Variants in CACNA1E observed in about 807,000 individuals in gnomAD.
CACNA1E encodes voltage-dependent R-type calcium channel subunit alpha-1E.
CACNA1E carries 40 observed loss-of-function variants against 259.2 expected under a neutral mutation model. The ratio of observed to expected loss-of-function variants is 0.15; its 90% CI spans 0.12 to 0.20. The LOEUF is 0.20. CACNA1E is among the 10% of genes least tolerant of loss of function. The probability of loss-of-function intolerance (pLI) is 1.00; values close to 1 mark genes in which losing one functional copy is unlikely to be tolerated. For missense variants in CACNA1E, 1,874 were observed against 3,040.1 expected (o/e 0.62, Z 9.02); for synonymous variants, 1,104 against 1,138.5 (o/e 0.97, Z 0.61).
chr1:181,506,223 C>G (rs991680879), intron 1 of CACNA1E, among the ~76,000 whole-genome samples: 1 of 152,178 alleles, frequency 6.6e-6, no homozygotes, highest in Admixed American at 6.5e-5. Context: ...ATGTCTTTGT[C>G]CAGTCTGCCA....
chr1:181,794,904 C>G lies in CACNA1E; in HGVS notation c.6068C>G (p.Thr2023Ser). 1.2e-6 allele frequency: 2 copies of G among 1,613,848 alleles called. No individual in the cohort carries two copies. Among genetic ancestry groups the G allele is most frequent in the Admixed American group, 1.7e-5 (1 of 60,014 alleles). The change falls in exon 46 of 48, where the codon ACT (threonine) becomes AGT (serine). Residue 2023 changes from threonine to serine, a missense_variant. Coordinates refer to ENST00000367573, the MANE Select transcript of CACNA1E (RefSeq NM_001205293.3). ...AGCTCCATGAGACGTTCATTTTCCACTATTCGGGATAAGCGTTCAAATTCC... is the reference window on the plus strand; with the variant it reads ...AGCTCCATGAGACGTTCATTTTCCAGTATTCGGGATAAGCGTTCAAATTCC... ...DPSSMRRSFS[T>S]IRDKRSNSSW...
chr1:181,590,414 A>ATATATATATATATATATATAT (rs1206091612), intron 6 of CACNA1E, among the ~76,000 whole-genome samples: 71 of 125,632 alleles, frequency 5.7e-4, no homozygotes, highest in African/African-American at 2.1e-3. Context: ...AAAAAAAAAA[A>ATATATATATATATATATATAT]AAATATATAT....
At position 181,732,771 on chromosome 1, in the gene CACNA1E, T is replaced by C. The variant is rs564949336; in HGVS notation, c.2685T>C (p.Thr895=). ...CCTGTCATGGAAACTGTGACCCGAC[T>C]CAGCAGGAGGCAGGGGGAGGAGAGG... The part of the protein sequence containing the change: ...ARPCHGNCDP[T]QQEAGGGEAV... The change falls in exon 20 of 48, where the codon ACT becomes ACC. Residue 895 remains threonine (T), a synonymous_variant. Transcript: ENST00000367573. This position sits in a 1 kb window ranked among gnomAD's most constrained non-coding sequence, Gnocchi z 5.5. 6 of 1,581,262 alleles carry C rather than the reference T, an allele frequency of 3.8e-6. No homozygotes were observed. In the Middle Eastern group the frequency reaches 5.1e-4, roughly 135 times the overall value.
intron 24 of CACNA1E, among the ~76,000 whole-genome samples, chr1:181,738,843 A>C (rs1371201851): frequency 6.6e-6 from 1 of 152,116 alleles, no homozygotes; most frequent in Non-Finnish European, 1.5e-5. Flanking sequence ...TCCATCCAGG[A>C]TTTTACCCAT....
chr1:181,706,408 C>G (rs1474039541), intron 7 of CACNA1E, among the ~76,000 whole-genome samples: 1 of 152,094 alleles, frequency 6.6e-6, no homozygotes, highest in Non-Finnish European at 1.5e-5. Flanking sequence ...TACCCATGAG[C>G]CTGATGGGCA....
At chr1:181,623,349 A>G (rs1655895747) in intron 6 of CACNA1E, among the ~76,000 whole-genome samples, 3 of 152,208 alleles carry the variant, frequency 2.0e-5, no homozygotes. Flanking sequence ...CACACTTTAT[A>G]TAATTTTTGT....
intron 7 of CACNA1E, among the ~76,000 whole-genome samples, chr1:181,667,673 T>A (rs900593333): frequency 6.6e-6 from 1 of 151,812 alleles, no homozygotes; most frequent in African/African-American, 2.4e-5. Flanking sequence ...AAGAGAATAT[T>A]AAGATTTTCA....
intron 3 of CACNA1E, among the ~76,000 whole-genome samples, chr1:181,552,437 A>G (rs761605753): frequency 6.6e-6 from 1 of 151,272 alleles, no homozygotes; most frequent in African/African-American, 2.5e-5. Flanking sequence ...AATAGTATTC[A>G]TAGCTTTTTT....
At position 181,759,495 on chromosome 1, in the gene CACNA1E, A is replaced by G. The variant is rs74127852; in HGVS notation, c.4605+627A>G. 5.1e-3 allele frequency among the ~76,000 whole-genome samples: 779 copies of G among 151,882 alleles called. 8 individuals are homozygous for G. The highest frequency in any genetic ancestry group is 0.018 in the African/African-American group (726 of 41,400). On this transcript the variant is annotated intron_variant, in intron 32 of 47. Coordinates refer to ENST00000367573, the MANE Select transcript of CACNA1E (RefSeq NM_001205293.3). ...TTTGGGGATGATGAATTTTTCTGCC[A>G]TGAGCCCTCTTTTTTCTTCTCCTCA...
At chr1:181,607,928 T>A (rs1479156168) in intron 6 of CACNA1E, among the ~76,000 whole-genome samples, 1 of 152,140 alleles carries the variant, frequency 6.6e-6, no homozygotes, top group Admixed American at 6.5e-5. Flanking sequence ...GACAGGAATA[T>A]GGGACTGAGA....
At position 181,715,682 on chromosome 1, in the gene CACNA1E, C is replaced by T. The variant is rs564200503; in HGVS notation, c.1225+291C>T. On this transcript the variant is annotated intron_variant, in intron 9 of 47. Transcript: ENST00000367573. Reference sequence around the variant, plus strand: ...CTACAACCAATGCTATCTAAAGGGACCTTCTCTTAAAATGTGTGGGGATCA... The same window carrying T: ...CTACAACCAATGCTATCTAAAGGGATCTTCTCTTAAAATGTGTGGGGATCA... 5.3e-5 allele frequency among the ~76,000 whole-genome samples: 8 copies of T among 152,260 alleles called. No individual in the cohort carries two copies. In the South Asian group the frequency reaches 1.2e-3, roughly 24 times the overall value.
chr1:181,545,621 T>C (rs2152855), intron 3 of CACNA1E, among the ~76,000 whole-genome samples: 66,798 of 151,992 alleles, frequency 0.44, 16,642 homozygotes, highest in Middle Eastern at 0.56. Flanking sequence ...AGCTGGAGGA[T>C]AGAATTTCTC....
intron 2 of CACNA1E, among the ~76,000 whole-genome samples, chr1:181,428,855 G>T (rs943076907): frequency 2.6e-4 from 40 of 152,190 alleles, no homozygotes; most frequent in Admixed American, 2.6e-3. Context: ...ATTGGTGCAT[G>T]GCCAGGCTCA....
intron 1 of CACNA1E, among the ~76,000 whole-genome samples, chr1:181,493,697 C>T (rs919323659): frequency 7.2e-5 from 11 of 152,080 alleles, no homozygotes; most frequent in East Asian, 3.8e-4. Context: ...GTGGCTAATG[C>T]GACTGAGAAC....
chr1:181,644,291 C>T lies in CACNA1E; in HGVS notation c.952-7047C>T, dbSNP rs1378111262. 2.6e-5 allele frequency among the ~76,000 whole-genome samples: 4 copies of T among 152,140 alleles called. No individual in the cohort carries two copies. In the South Asian group the frequency reaches 8.3e-4, roughly 32 times the overall value. ...CCATTTTGGTTCTAGATTGTGGCCC[C>T]AGATCTGCCGATAAGTTGCTTGGAT... is the stretch of plus-strand genomic sequence containing the variant. On this transcript the variant is annotated intron_variant, in intron 6 of 47. Transcript: ENST00000367573.
chr1:181,526,687 C>G (rs1377075098), intron 3 of CACNA1E, among the ~76,000 whole-genome samples: 1 of 152,116 alleles, frequency 6.6e-6, no homozygotes, highest in East Asian at 1.9e-4. Context: ...TGGCAAGATG[C>G]AAGGAACAAA....
intron 25 of CACNA1E, among the ~76,000 whole-genome samples, chr1:181,741,304 G>C (rs1263822379): frequency 3.3e-5 from 5 of 152,142 alleles, no homozygotes; most frequent in Non-Finnish European, 7.4e-5. Context: ...GTGTCCTTGA[G>C]CCACACAGCA....
At chr1:181,324,310 G>A (rs1274588737) in intron 1 of CACNA1E, among the ~76,000 whole-genome samples, 3 of 152,220 alleles carry the variant, frequency 2.0e-5, no homozygotes, top group East Asian at 3.8e-4. Context: ...AGGGTGATGT[G>A]GCAGTAACAG....
chr1:181,505,798 G>C (rs1221545777), intron 1 of CACNA1E, among the ~76,000 whole-genome samples: 1 of 152,162 alleles, frequency 6.6e-6, no homozygotes, highest in African/African-American at 2.4e-5. Flanking sequence ...ACAGTGTGGA[G>C]AGTGTGGGTA....
Sources: gnomAD v4.1 joint callset for allele counts (sites outside exome capture counted in the v4.1 genomes callset) on GRCh38, gnomAD v4.1.1 for gene constraint, Gnocchi (gnomAD v3.1) non-coding constraint, MANE v1.5 for transcripts, NCBI Gene and HGNC (gene_info 2026-07-23, HGNC 2026-07-21) for gene names.